The following LRRTM3 variants were observed in gnomAD, a reference collection of about 807,000 sequenced individuals.
LRRTM3 encodes leucine-rich repeat transmembrane neuronal protein 3.
Under a neutral mutation model 44.7 loss-of-function variants are expected in LRRTM3, and 24 were observed. The observed-to-expected ratio is 0.54, with a 90% CI of 0.39 to 0.76. LRRTM3 has a LOEUF of 0.76. LRRTM3 is among the 30% of genes least tolerant of loss of function. The pLI, the probability that LRRTM3 is intolerant of heterozygous loss-of-function variation, is 0.00. For synonymous variants in LRRTM3, 277 were observed against 278.7 expected, an observed-to-expected ratio of 0.99 and a Z score of 0.06; for missense variants, 587 against 702.2, an observed-to-expected ratio of 0.84 and a Z score of 1.85.
intron 2 of LRRTM3, among the ~76,000 whole-genome samples, chr10:66,995,263 C>A (rs919200833): frequency 6.6e-6 from 1 of 152,160 alleles, no homozygotes; most frequent in African/African-American, 2.4e-5. Flanking sequence ...TTGGGTGTCA[C>A]TGAAGACACT....
Position 66,928,348 on chromosome 10 carries a change from G to A in LRRTM3, c.1432G>A (p.Glu478Lys). The stretch of plus-strand genomic sequence containing the variant: ...AAAGCAAATGACTCCCAGCACCCAG[G>A]AATTTTATGTAGATTATAAACCCAC... ...SLKQMTPSTQ[E>K]FYVDYKPTNT... The change falls in exon 2 of 3, where the codon GAA becomes AAA. Residue 478 changes from glutamate (E) to lysine (K), a missense_variant. Around this residue, in one of 3 missense-constraint regions of LRRTM3, gnomAD observed 315 missense variants for 335.6 expected, o/e 0.94. Coordinates refer to ENST00000361320, the MANE Select transcript of LRRTM3 (RefSeq NM_178011.5). The A allele has an allele frequency of 6.2e-7, 1 of 1,614,138 alleles. No homozygotes were observed. Among genetic ancestry groups the A allele is most frequent in the Non-Finnish European group, 8.5e-7 (1 of 1,180,028 alleles).
chr10:67,053,579 T>C (rs1351056452), intron 2 of LRRTM3, among the ~76,000 whole-genome samples: 1 of 152,212 alleles, frequency 6.6e-6, no homozygotes, highest in Non-Finnish European at 1.5e-5. Flanking sequence ...ACAGCATAAA[T>C]TCTTTTGTTT....
chr10:67,018,698 T>A lies in LRRTM3; in HGVS notation c.1537-78889T>A, dbSNP rs74890781. ...ACAAGCCACTTAACCTCTCTGTGCC[T>A]CAGTTTCCTCATATGCAAAATGAGA... On this transcript the variant is annotated intron_variant, in intron 2 of 2. Transcript: ENST00000361320. 6.2e-3 allele frequency among the ~76,000 whole-genome samples: 948 copies of A among 152,318 alleles called. 10 individuals are homozygous for A. The highest frequency in any genetic ancestry group is 0.021 in the African/African-American group (891 of 41,550).
At chr10:67,037,961 T>G (rs1195927174) in intron 2 of LRRTM3, among the ~76,000 whole-genome samples, 1 of 152,096 alleles carries the variant, frequency 6.6e-6, no homozygotes, top group African/African-American at 2.4e-5. Context: ...GAAATAATTG[T>G]TCATTAAGGG....
chr10:67,066,521 C>T (rs1438903675), intron 2 of LRRTM3, among the ~76,000 whole-genome samples: 1 of 135,074 alleles, frequency 7.4e-6, no homozygotes, highest in Non-Finnish European at 1.5e-5. Flanking sequence ...TACAGTTAGT[C>T]ATGCAGTTCT....
At chr10:67,063,235 TAATAACTC>T (rs1855865596) in intron 2 of LRRTM3, among the ~76,000 whole-genome samples, 1 of 152,198 alleles carries the variant, frequency 6.6e-6, no homozygotes. Flanking sequence ...AAGTGCTTTA[TAATAACTC>T]TGATGCAAGA....
intron 2 of LRRTM3, among the ~76,000 whole-genome samples, chr10:67,076,547 C>A (rs1925605): frequency 0.51 from 77,981 of 152,018 alleles, 20,485 homozygotes; most frequent in Middle Eastern, 0.64. Flanking sequence ...TTCATTTGAG[C>A]ACATAGAGAA....
intron 2 of LRRTM3, among the ~76,000 whole-genome samples, chr10:67,075,407 G>A (rs879751755): frequency 6.6e-6 from 1 of 152,150 alleles, no homozygotes; most frequent in Non-Finnish European, 1.5e-5. Context: ...TAAATTCATT[G>A]TAAGAGGTAA....
intron 2 of LRRTM3, among the ~76,000 whole-genome samples, chr10:67,079,218 C>T (rs541189260): frequency 5.9e-5 from 9 of 152,220 alleles, no homozygotes; most frequent in South Asian, 4.1e-4. Context: ...TATGAGCACA[C>T]GCTGTGCACA....
At position 67,100,897 on chromosome 10, in the gene LRRTM3, A is replaced by G. The variant is rs1163456898; in HGVS notation, c.*3101A>G. Among the ~76,000 whole-genome samples the G allele has an allele frequency of 6.6e-6, 1 of 151,738 alleles. No individual in the cohort carries two copies. The highest frequency in any genetic ancestry group is 1.5e-5 in the Non-Finnish European group (1 of 67,796). ...AGGCTGTTAGTCTTTCCACTGTACT[A>G]AAAGATTTCTTTCTCTGATCAGAGC... On this transcript the variant is annotated 3_prime_UTR_variant, in exon 3 of 3. Transcript: ENST00000361320.
intron 2 of LRRTM3, among the ~76,000 whole-genome samples, chr10:67,045,673 C>G (rs933712224): frequency 6.6e-6 from 1 of 152,160 alleles, no homozygotes; most frequent in African/African-American, 2.4e-5. Context: ...CTAGTCCTGG[C>G]GCGGGATGGG....
intron 2 of LRRTM3, among the ~76,000 whole-genome samples, chr10:66,952,910 G>A (rs1391960584): frequency 2.0e-5 from 3 of 152,060 alleles, no homozygotes; most frequent in East Asian, 1.9e-4. Context: ...AGCCAGCACA[G>A]TAGTGTTACA....
At chr10:66,967,446 T>C (rs1849492375) in intron 2 of LRRTM3, among the ~76,000 whole-genome samples, 1 of 151,720 alleles carries the variant, frequency 6.6e-6, no homozygotes, top group Non-Finnish European at 1.5e-5. Flanking sequence ...TGCATATGAA[T>C]TACAATTAAT....
At chr10:66,984,771 A>G (rs1387585106) in intron 2 of LRRTM3, among the ~76,000 whole-genome samples, 1 of 152,190 alleles carries the variant, frequency 6.6e-6, no homozygotes, top group Non-Finnish European at 1.5e-5. Context: ...CGAAAATTTA[A>G]ATAATTTATT....
rs968301499 is a variant in LRRTM3, at chr10:67,026,391, A to T, written c.1537-71196A>T. On this transcript the variant is annotated intron_variant, in intron 2 of 2. Coordinates refer to ENST00000361320, the MANE Select transcript of LRRTM3 (RefSeq NM_178011.5). ...ATATACATTTTGTAAATATTTTTAT[A>T]TTTGTAAATATAAAAATAGAACTAA... Among the ~76,000 whole-genome samples the T allele has an allele frequency of 1.2e-4, 19 of 152,056 alleles. 1 individual carries two copies. The highest frequency in any genetic ancestry group is 7.9e-4 in the Admixed American group (12 of 15,268).
intron 2 of LRRTM3, among the ~76,000 whole-genome samples, chr10:67,078,541 G>T (rs1856859673): frequency 6.6e-6 from 1 of 151,756 alleles, no homozygotes; most frequent in Non-Finnish European, 1.5e-5. Context: ...ATTTGAGAAG[G>T]AGTCTCGCTC....
At chr10:66,926,804 G>A in intron 1 of LRRTM3, 117 bp from the exon 2 acceptor site, 2 of 998,028 alleles carry the variant, frequency 2.0e-6, no homozygotes, top group Non-Finnish European at 2.9e-6. Context: ...AATATGTGAT[G>A]TTAAGTGTTA....
At chr10:66,978,646 A>G (rs1231957563) in intron 2 of LRRTM3, among the ~76,000 whole-genome samples, 2 of 148,382 alleles carry the variant, frequency 1.3e-5, no homozygotes, top group Non-Finnish European at 3.0e-5. Flanking sequence ...AAAAAGAGAG[A>G]AAAAAACAGA....
At chr10:67,077,722 GATA>G (rs1472735761) in intron 2 of LRRTM3, among the ~76,000 whole-genome samples, 16 of 151,940 alleles carry the variant, frequency 1.1e-4, no homozygotes, top group Non-Finnish European at 2.2e-4. Flanking sequence ...ATCCCCTTAT[GATA>G]ATATCTATTT....
Sources: gnomAD v4.1 joint callset for allele counts (sites outside exome capture counted in the v4.1 genomes callset) on GRCh38, gnomAD v4.1.1 for gene constraint, gnomAD v4.1.1 regional missense constraint, MANE v1.5 for transcripts, NCBI Gene and HGNC (gene_info 2026-07-23, HGNC 2026-07-21) for gene names.